DLGAP1: variants seen among roughly 807,000 people sequenced by gnomAD.
DLGAP1 encodes disks large-associated protein 1.
In DLGAP1, 11 loss-of-function variants were observed where a neutral mutation model predicts 90.8. The observed-to-expected ratio is 0.12, with a 90% CI of 0.08 to 0.20. The LOEUF (loss-of-function observed/expected upper bound fraction) is 0.20, where lower values mean the gene tolerates loss of function less well. Among genes scored for constraint, DLGAP1 ranks in the 10% least tolerant of loss-of-function variants. The pLI, the probability that DLGAP1 is intolerant of heterozygous loss-of-function variation, is 1.00. For synonymous variants in DLGAP1, 558 were observed against 540.7 expected, an observed-to-expected ratio of 1.03 and a Z score of -0.44; for missense variants, 1,050 against 1,333.8, an observed-to-expected ratio of 0.79 and a Z score of 3.31.
chr18:4,322,777 T>C (rs1598897337), intron 1 of DLGAP1, among the ~76,000 whole-genome samples: 2 of 152,034 alleles, frequency 1.3e-5, no homozygotes, highest in South Asian at 4.1e-4. Flanking sequence ...CTGGCTAACA[T>C]GGTGAAACTC....
intron 1 of DLGAP1, among the ~76,000 whole-genome samples, chr18:4,442,303 A>T (rs1416027373): frequency 6.6e-6 from 1 of 152,160 alleles, no homozygotes; most frequent in Admixed American, 6.5e-5. Context: ...CAGCCCTGAA[A>T]TCACTTTCTA....
intron 7 of DLGAP1, among the ~76,000 whole-genome samples, chr18:3,685,689 C>A (rs2060679488): frequency 6.6e-6 from 1 of 151,816 alleles, no homozygotes; most frequent in South Asian, 2.1e-4. Flanking sequence ...CTTAAGCAAT[C>A]CTCCTGCATT....
intron 2 of DLGAP1, among the ~76,000 whole-genome samples, chr18:4,040,136 C>G (rs1240303813): frequency 1.3e-5 from 2 of 152,186 alleles, no homozygotes; most frequent in Non-Finnish European, 2.9e-5. Context: ...AGTTTGGACT[C>G]TCTAGGGTCA....
chr18:4,186,704 A>G (rs2077301566), intron 1 of DLGAP1, among the ~76,000 whole-genome samples: 1 of 152,122 alleles, frequency 6.6e-6, no homozygotes, highest in Non-Finnish European at 1.5e-5. Context: ...GAAGTCAGGT[A>G]ATGTGATGCG....
At chr18:3,589,586 G>GAT in intron 7 of DLGAP1, among the ~76,000 whole-genome samples, 1 of 152,138 alleles carries the variant, frequency 6.6e-6, no homozygotes, top group Non-Finnish European at 1.5e-5. Context: ...ATTATATATA[G>GAT]ATATATATGC....
intron 1 of DLGAP1, among the ~76,000 whole-genome samples, chr18:4,201,843 C>T (rs1239569792): frequency 1.3e-5 from 2 of 151,950 alleles, no homozygotes; most frequent in East Asian, 1.9e-4. Flanking sequence ...GGCATGGATG[C>T]AATGAAAAGC....
chr18:4,312,592 C>T (rs558083724), intron 1 of DLGAP1, among the ~76,000 whole-genome samples: 46 of 152,186 alleles, frequency 3.0e-4, no homozygotes, highest in South Asian at 4.2e-4. Flanking sequence ...GTGATCCCAC[C>T]GCAAGATGAG....
intron 1 of DLGAP1, among the ~76,000 whole-genome samples, chr18:4,292,476 T>C (rs2079874039): frequency 6.6e-6 from 1 of 152,148 alleles, no homozygotes; most frequent in South Asian, 2.1e-4. Context: ...GAGCATTTCC[T>C]ATGTTGTTGG....
chr18:4,182,015 ATGG>A (rs1485925707), intron 1 of DLGAP1, among the ~76,000 whole-genome samples: 1 of 152,128 alleles, frequency 6.6e-6, no homozygotes, highest in East Asian at 1.9e-4. Flanking sequence ...TTCAGTTGGC[ATGG>A]TGGGGACTGG....
chr18:3,891,386 G>T (rs2071453803), intron 3 of DLGAP1, among the ~76,000 whole-genome samples: 1 of 152,092 alleles, frequency 6.6e-6, no homozygotes, highest in Admixed American at 6.5e-5. Context: ...CCACACAGAG[G>T]CTGCTGAGTG....
chr18:3,587,013 G>A (rs938467076), intron 7 of DLGAP1, among the ~76,000 whole-genome samples: 10 of 152,172 alleles, frequency 6.6e-5, no homozygotes, highest in African/African-American at 2.2e-4. Flanking sequence ...AAGAGAAAAC[G>A]AGCAGTTTCT....
intron 2 of DLGAP1, among the ~76,000 whole-genome samples, chr18:4,130,462 C>T (rs760065942): frequency 2.0e-5 from 3 of 152,182 alleles, no homozygotes; most frequent in Non-Finnish European, 4.4e-5. Context: ...AAACTCTTAC[C>T]ATTTCAACAC....
intron 4 of DLGAP1, among the ~76,000 whole-genome samples, chr18:3,855,853 C>T (rs933208770): frequency 1.2e-4 from 19 of 152,150 alleles, no homozygotes; most frequent in African/African-American, 3.6e-4. Context: ...CCTCGTGATC[C>T]GCCTGCCTCG....
chr18:4,131,802 C>A (rs543775210), intron 2 of DLGAP1, among the ~76,000 whole-genome samples: 1 of 152,126 alleles, frequency 6.6e-6, no homozygotes, highest in Non-Finnish European at 1.5e-5. Flanking sequence ...GTAAAGAAAT[C>A]TATAACTGTT....
intron 1 of DLGAP1, among the ~76,000 whole-genome samples, chr18:4,274,616 G>A (rs1343673859): frequency 2.0e-5 from 3 of 152,172 alleles, no homozygotes; most frequent in Non-Finnish European, 4.4e-5. Flanking sequence ...AATACAGGTA[G>A]ATAGGCACTA....
At chr18:3,920,536 T>G (rs2072247073) in intron 3 of DLGAP1, among the ~76,000 whole-genome samples, 1 of 152,170 alleles carries the variant, frequency 6.6e-6, no homozygotes, top group African/African-American at 2.4e-5. Context: ...GTATATTCAG[T>G]ACGTCTATCT....
chr18:3,546,275 A>G (rs965444891), intron 9 of DLGAP1, among the ~76,000 whole-genome samples: 1 of 152,030 alleles, frequency 6.6e-6, no homozygotes, highest in Non-Finnish European at 1.5e-5. Context: ...TTAGTCGAGC[A>G]TGGTGGCATG....
chr18:4,134,027 T>A (rs2076360207), intron 2 of DLGAP1, among the ~76,000 whole-genome samples: 1 of 151,708 alleles, frequency 6.6e-6, no homozygotes, highest in South Asian at 2.1e-4. Context: ...GTAGGTGAGA[T>A]GGGATGATTG....
chr18:4,113,096 A>G (rs2076002557), intron 2 of DLGAP1, among the ~76,000 whole-genome samples: 1 of 152,078 alleles, frequency 6.6e-6, no homozygotes, highest in Non-Finnish European at 1.5e-5. Flanking sequence ...TTTTAGTAGA[A>G]CAATTTATTT....
Sources: gnomAD v4.1 joint callset for allele counts (sites outside exome capture counted in the v4.1 genomes callset) on GRCh38, gnomAD v4.1.1 for gene constraint, MANE v1.5 for transcripts, NCBI Gene and HGNC (gene_info 2026-07-23, HGNC 2026-07-21) for gene names.